The following MYB variants were observed in gnomAD, a reference collection of about 807,000 sequenced individuals.
MYB encodes the protein transcriptional activator Myb.
In MYB, 28 loss-of-function variants were observed where a neutral mutation model predicts 92.9. The ratio of observed to expected loss-of-function variants is 0.30; its 90% confidence interval spans 0.22 to 0.41. The LOEUF (loss-of-function observed/expected upper bound fraction) is 0.41, where lower values mean the gene tolerates loss of function less well. Ranked by LOEUF, MYB falls within the 10% of genes least tolerant of loss-of-function variation. The pLI is 1.00. For missense variants in MYB, 679 were observed against 929.3 expected (o/e 0.73, Z 3.50); for synonymous variants, 295 against 329.1 (o/e 0.90, Z 1.12).
In MYB at chr6:135,216,738, G is replaced by A. The variant is rs143904601; in HGVS notation, c.2170-1126G>A. Among the ~76,000 whole-genome samples the A allele has an allele frequency of 3.2e-4, 48 of 152,254 alleles. No homozygotes were observed. The East Asian group carries it at 7.9e-3, about 25-fold the overall frequency. On this transcript the variant is annotated intron_variant, in intron 15 of 15. Coordinates refer to ENST00000341911, the MANE Select transcript of MYB (RefSeq NM_001130173.2). ...TTCTTTATACACATTTTTAAACTCTGTTGTCTTGTATTTCTTTTCTAATCA... is the reference window on the plus strand; with the variant it reads ...TTCTTTATACACATTTTTAAACTCTATTGTCTTGTATTTCTTTTCTAATCA...
chr6:135,190,834 A>T lies in MYB; in HGVS notation c.527+487A>T, dbSNP rs1466240862. 1.3e-5 allele frequency among the ~76,000 whole-genome samples: 2 copies of T among 152,144 alleles called. No homozygotes were observed. The stretch of plus-strand genomic sequence containing the variant: ...TAGAGACAGAGGCTTGTTCTGTCAC[A>T]CATGAGTGACAGAGTGCAGTGGCAT... On this transcript the variant is annotated intron_variant, in intron 5 of 15. Coordinates refer to ENST00000341911, the MANE Select transcript of MYB (RefSeq NM_001130173.2). This position sits in a 1 kb window ranked among gnomAD's most constrained non-coding sequence, Gnocchi z 4.5.
rs138288763 is a variant in MYB, at chr6:135,182,298, A to AGAG, written c.23+776_23+778dup. 1.3e-5 allele frequency among the ~76,000 whole-genome samples: 2 copies of AGAG among 152,036 alleles called. No individual in the cohort carries two copies. Among genetic ancestry groups the AGAG allele is most frequent in the African/African-American group, 2.4e-5 (1 of 41,416 alleles). ...TTTGGCCGGACAGATGGGAAGAGGG[A>AGAG]GAGGAGGAGGAGGAGGGAAATCCTC... is the stretch of plus-strand genomic sequence containing the variant. On this transcript the variant is annotated intron_variant, in intron 1 of 15. Transcript: ENST00000341911. The surrounding 1 kb of genome is among the most constrained non-coding windows in gnomAD (Gnocchi z 5.6).
At chr6:135,205,932 G>A (rs548461084) in intron 15 of MYB, among the ~76,000 whole-genome samples, 1 of 152,256 alleles carries the variant, frequency 6.6e-6, no homozygotes, top group East Asian at 1.9e-4. Flanking sequence ...TGGGCTGGGC[G>A]TGGTGGCTCA....
In MYB at chr6:135,181,863, C is replaced by T. The variant is rs893116676; in HGVS notation, c.23+327C>T. 1.3e-5 allele frequency among the ~76,000 whole-genome samples: 2 copies of T among 152,228 alleles called. No individual in the cohort carries two copies. Among genetic ancestry groups the T allele is most frequent in the African/African-American group, 2.4e-5 (1 of 41,462 alleles). ...CGGTGCCCACCAGCCCCGGGGAGCC[C>T]ACCAGGTGCCTGGCTTGATGCCGCG... On this transcript the variant is annotated intron_variant, in intron 1 of 15. Transcript: ENST00000341911. The surrounding 1 kb of genome is among the most constrained non-coding windows in gnomAD (Gnocchi z 5.3).
rs147413752 is a variant in MYB, at chr6:135,210,072, A to T, written c.2169+6748A>T. Among the ~76,000 whole-genome samples, 448 of 152,358 alleles carry T rather than the reference A, an allele frequency of 2.9e-3. 1 individual carries two copies. Among genetic ancestry groups the T allele is most frequent in the African/African-American group, 1.0e-2 (415 of 41,578 alleles). The stretch of plus-strand genomic sequence containing the variant: ...ACGCATAGCTCCCTCCTCAGCAAGG[A>T]GAAAAGAGTTGCCTGCTTTCCTCAG... On this transcript the variant is annotated intron_variant, in intron 15 of 15. Transcript: ENST00000341911.
intron 1 of MYB, among the ~76,000 whole-genome samples, chr6:135,183,006 G>GT (rs3071602): frequency 0.061 from 5,587 of 92,340 alleles, 341 homozygotes; most frequent in Non-Finnish European, 0.084. Flanking sequence ...GGGGTCATCT[G>GT]TTTTTTTTTT....
At position 135,201,682 on chromosome 6, in the gene MYB, A is replaced by G. The variant is rs372904776; in HGVS notation, c.1994A>G (p.His665Arg). 2.5e-6 allele frequency: 4 copies of G among 1,599,096 alleles called. No homozygotes were observed. The highest frequency in any genetic ancestry group is 3.4e-6 in the Non-Finnish European group (4 of 1,170,928). Residue 665 changes from histidine (H) to arginine (R), a missense_variant, in exon 14 of 16, where the codon CAC becomes CGC. His to Arg is a conservative substitution (Grantham distance 29). This residue lies in a region of MYB where 402 missense variants were observed against 434.2 expected (regional missense o/e 0.93). Transcript: ENST00000341911. ...AAATCAGGAAACTTCTTCTGCTCAC[A>G]CCACTGGGAAGGGGACAGTCTGAAT... is the stretch of plus-strand genomic sequence containing the variant. ...TDKSGNFFCS[H>R]HWEGDSLNTQ...
intron 1 of MYB, among the ~76,000 whole-genome samples, chr6:135,183,767 C>T (rs1035192252): frequency 3.3e-5 from 5 of 152,218 alleles, no homozygotes; most frequent in Non-Finnish European, 7.3e-5. Flanking sequence ...TCCACCTTGC[C>T]CCCAAGACCT....
rs1042874137 is a variant in MYB, at chr6:135,182,279, C to T, written c.23+743C>T. On this transcript the variant is annotated intron_variant, in intron 1 of 15. Coordinates refer to ENST00000341911, the MANE Select transcript of MYB (RefSeq NM_001130173.2). The surrounding 1 kb of genome is among the most constrained non-coding windows in gnomAD (Gnocchi z 5.6). ...GGTGCAGTCCCTTCACATTTTTGGC[C>T]GGACAGATGGGAAGAGGGAGAGGAG... 6.6e-6 allele frequency among the ~76,000 whole-genome samples: 1 copy of T among 152,204 alleles called. No homozygotes were observed. Among genetic ancestry groups the T allele is most frequent in the African/African-American group, 2.4e-5 (1 of 41,464 alleles).
intron 15 of MYB, among the ~76,000 whole-genome samples, chr6:135,204,924 A>G (rs1562389407): frequency 6.6e-6 from 1 of 152,134 alleles, no homozygotes; most frequent in Non-Finnish European, 1.5e-5. Flanking sequence ...CCTGGCCAAC[A>G]CGGTGAAACC....
intron 15 of MYB, among the ~76,000 whole-genome samples, chr6:135,216,464 A>G (rs1355926036): frequency 6.6e-6 from 1 of 152,194 alleles, no homozygotes; most frequent in Non-Finnish European, 1.5e-5. Flanking sequence ...TGTATACTTT[A>G]AGTCATCTCT....
In MYB at chr6:135,194,206, A is replaced by G. The variant is rs1776987601; in HGVS notation, c.844-150A>G. 1.1e-5 allele frequency: 7 copies of G among 637,282 alleles called. No individual in the cohort carries two copies. In the East Asian group the frequency reaches 1.9e-4, roughly 17 times the overall value. The allele number at this position is 637,282 out of a possible 1,614,324, so 39.5% of individuals were successfully genotyped here. A position where few individuals can be genotyped will look rare whatever the true frequency, so the allele number is the denominator to read the frequency against. On this transcript the variant is annotated intron_variant, in intron 7 of 15. Transcript: ENST00000341911. ...TAAGTCTGAAATAACATTCACAAAG[A>G]TTTCTGCAGGAGCCAAATTTGGTTG...
chr6:135,196,796 C>G (rs762904925), intron 9 of MYB, 165 bp from the exon 10 acceptor site: 2 of 1,562,196 alleles, frequency 1.3e-6, no homozygotes, highest in South Asian at 1.1e-5. Context: ...AGACCCTGCT[C>G]TACTGCAGTA....
intron 14 of MYB, 191 bp from the exon 15 acceptor site, chr6:135,203,026 A>G (rs1458616856): frequency 4.3e-6 from 3 of 703,744 alleles, no homozygotes; most frequent in South Asian, 1.5e-5. Context: ...GTTTGCCACA[A>G]TGGGATTAAG....
chr6:135,210,447 C>T (rs2128316704), intron 15 of MYB, among the ~76,000 whole-genome samples: 1 of 152,336 alleles, frequency 6.6e-6, no homozygotes, highest in South Asian at 2.1e-4. Context: ...CACATTTACA[C>T]AGTATCAAAG....
At position 135,190,109 on chromosome 6, in the gene MYB, TTG is replaced by T; in HGVS notation, c.307-12_307-11del. 1 of 1,608,744 alleles carries T rather than the reference TTG, an allele frequency of 6.2e-7. No individual in the cohort carries two copies. Among genetic ancestry groups the T allele is most frequent in the Non-Finnish European group, 8.5e-7 (1 of 1,175,536 alleles). On this transcript the variant is annotated splice_polypyrimidine_tract_variant and intron_variant, in intron 4 of 15. Transcript: ENST00000341911. The surrounding 1 kb of genome is among the most constrained non-coding windows in gnomAD (Gnocchi z 4.5). ...CATAACTTTAAAACATAGGTTATTT[TTG>T]TGTGTTTATCTGAAGGTGATAGAGC... is the stretch of plus-strand genomic sequence containing the variant.
chr6:135,217,163 G>A (rs991741694), intron 15 of MYB, among the ~76,000 whole-genome samples: 2 of 152,170 alleles, frequency 1.3e-5, no homozygotes, highest in Non-Finnish European at 2.9e-5. Flanking sequence ...GAGTCCAGGA[G>A]TTCAAGACCA....
At position 135,200,101 on chromosome 6, in the gene MYB, A is replaced by T. The variant is rs779796852; in HGVS notation, c.1726A>T (p.Ile576Phe). The change falls in exon 12 of 16, where the codon ATC (isoleucine) becomes TTC (phenylalanine). Residue 576 changes from isoleucine (I) to phenylalanine (F), a missense_variant. Ile to Phe is a conservative substitution (Grantham distance 21). This residue lies in a region of MYB where 402 missense variants were observed against 434.2 expected (regional missense o/e 0.93). Transcript: ENST00000341911. The stretch of plus-strand genomic sequence containing the variant: ...TTTTTAAAGTTTTAGAACCCCAGCT[A>T]TCAAAAGGTCAATCTTAGAAAGCTC... ...KENTVFRTPA[I>F]KRSILESSPR... is the part of the protein sequence containing the mutation. The T allele has an allele frequency of 1.9e-6, 3 of 1,613,970 alleles. No individual in the cohort carries two copies. The South Asian group carries it at 3.3e-5, about 18-fold the overall frequency.
intron 15 of MYB, among the ~76,000 whole-genome samples, chr6:135,216,497 C>T (rs1434075281): frequency 6.6e-6 from 1 of 152,062 alleles, no homozygotes; most frequent in Non-Finnish European, 1.5e-5. Flanking sequence ...ATAGCTAATA[C>T]AATGTAAATG....
Sources: gnomAD v4.1 joint callset for allele counts (sites outside exome capture counted in the v4.1 genomes callset) on GRCh38, gnomAD v4.1.1 for gene constraint, gnomAD v4.1.1 regional missense constraint, Gnocchi (gnomAD v3.1) non-coding constraint, MANE v1.5 for transcripts, NCBI Gene and HGNC (gene_info 2026-07-23, HGNC 2026-07-21) for gene names.